TUSC3: variants seen among roughly 807,000 people sequenced by gnomAD.
The protein encoded by TUSC3 is tumor suppressor candidate 3.
In TUSC3, 45 loss-of-function variants were observed where a neutral mutation model predicts 44.8. That is an observed-to-expected ratio of 1.00 (90% confidence interval 0.79 to 1.29). The LOEUF is 1.29. Ranked by LOEUF, TUSC3 falls within the 50% of genes most tolerant of loss-of-function variation. The pLI is 0.00. For synonymous variants in TUSC3, 212 were observed against 152.9 expected (o/e 1.39, Z -2.85); for missense variants, 519 against 437.9 (o/e 1.19, Z -1.65).
the TUSC3 span, among the ~76,000 whole-genome samples, chr8:15,851,957 C>T: frequency 1.3e-5 from 2 of 152,204 alleles, no homozygotes; most frequent in South Asian, 4.1e-4. Context: ...AAGGGGAAAT[C>T]CCTTTTGCTT....
the TUSC3 span, among the ~76,000 whole-genome samples, chr8:15,838,750 T>G: frequency 0.33 from 49,838 of 151,942 alleles, 9,506 homozygotes; most frequent in African/African-American, 0.52. Context: ...TGCTGTTTTG[T>G]TTACTGTAGC....
rs1358169360 is a variant in TUSC3, at chr8:15,512,885, T to TATATAC, written n.189+29403_189+29404insTATACA. 1.9e-3 allele frequency among the ~76,000 whole-genome samples: 271 copies of TATATAC among 142,832 alleles called. 5 individuals are homozygous for TATATAC. Among genetic ancestry groups the TATATAC allele is most frequent in the African/African-American group, 6.8e-3 (257 of 37,968 alleles). 93.7% of individuals were successfully genotyped at this position (142,832 alleles called of 152,430 possible). On this transcript the variant is annotated intron_variant and non_coding_transcript_variant, in intron 2 of 5. Transcript: ENST00000503191. ...ATATATGTGTGTGTATATATATATATACACACAATTCTCTCGGTGTATATA... is the reference window on the plus strand; with the variant it reads ...ATATATGTGTGTGTATATATATATATATATACACACACAATTCTCTCGGTGTATATA...
chr8:15,802,004 G>A, the TUSC3 span, among the ~76,000 whole-genome samples: 9 of 152,278 alleles, frequency 5.9e-5, no homozygotes, highest in African/African-American at 1.9e-4. Context: ...CTGACCAGCT[G>A]TTCTTCGAGA....
chr8:15,679,013 G>C (rs148045373), intron 6 of TUSC3, among the ~76,000 whole-genome samples: 2 of 152,114 alleles, frequency 1.3e-5, no homozygotes, highest in African/African-American at 4.8e-5. Context: ...CCGTGGATGA[G>C]CACCTAGGTT....
At chr8:15,429,790 A>G (rs1799850220) in intron 1 of TUSC3, among the ~76,000 whole-genome samples, 1 of 151,758 alleles carries the variant, frequency 6.6e-6, no homozygotes, top group African/African-American at 2.4e-5. Flanking sequence ...AAAAAATGAC[A>G]AAGGGGATAT....
chr8:15,460,962 G>A (rs1425258436), intron 1 of TUSC3, among the ~76,000 whole-genome samples: 3 of 152,184 alleles, frequency 2.0e-5, no homozygotes, highest in Admixed American at 2.0e-4. Flanking sequence ...CAGGTAGTGT[G>A]ATGCCTCCAG....
chr8:15,685,455 A>C lies in TUSC3; in HGVS notation c.798+11619A>C, dbSNP rs1420439390. On this transcript the variant is annotated intron_variant, in intron 6 of 10. Coordinates refer to ENST00000503731, the MANE Select transcript of TUSC3 (RefSeq NM_006765.4). ...GATATTTTGGTTCCTCTTGGTGGAC[A>C]GTTCCCGGCTGTTTCTAGACATCTT... Among the ~76,000 whole-genome samples, 8 of 152,264 alleles carry C rather than the reference A, an allele frequency of 5.3e-5. No individual in the cohort carries two copies. In the East Asian group the frequency reaches 1.4e-3, roughly 26 times the overall value.
chr8:15,650,929 G>C, intron 3 of TUSC3, 115 bp downstream of exon 3: 2 of 1,054,128 alleles, frequency 1.9e-6, no homozygotes, highest in African/African-American at 3.1e-5. Flanking sequence ...GGCGGAGGTT[G>C]CAGTGAGCCG....
chr8:15,748,946 TATCTC>T (rs1290878610), intron 9 of TUSC3: 1 of 355,236 alleles, frequency 2.8e-6, no homozygotes, highest in African/African-American at 2.1e-5. Context: ...TCATAACGAG[TATCTC>T]ATAAGATTTT....
intron 5 of TUSC3, among the ~76,000 whole-genome samples, chr8:15,670,221 A>G (rs892316699): frequency 6.6e-6 from 1 of 151,916 alleles, no homozygotes; most frequent in Admixed American, 6.6e-5. Context: ...GTGGAAATTG[A>G]CAATGAGATT....
At chr8:15,730,353 G>A (rs1185295396) in intron 6 of TUSC3, among the ~76,000 whole-genome samples, 3 of 152,096 alleles carry the variant, frequency 2.0e-5, no homozygotes, top group East Asian at 1.9e-4. Flanking sequence ...GCTATATTTT[G>A]TACTTTTGCA....
In TUSC3 at chr8:15,736,279, A is replaced by T. The variant is rs534189654; in HGVS notation, c.862+5550A>T. Reference sequence around the variant, plus strand: ...ATTCTTCATTTACAATTATGTTCTTAAAAAGTTTTCAAATGTCCAAAATTC... The same window carrying T: ...ATTCTTCATTTACAATTATGTTCTTTAAAAGTTTTCAAATGTCCAAAATTC... On this transcript the variant is annotated intron_variant, in intron 7 of 10. Transcript: ENST00000503731. 1.4e-3 allele frequency among the ~76,000 whole-genome samples: 208 copies of T among 152,328 alleles called. 1 individual carries two copies. Among genetic ancestry groups the T allele is most frequent in the Middle Eastern group, 6.8e-3 (2 of 294 alleles).
chr8:15,622,740 G>C (rs889830520), intron 1 of TUSC3, among the ~76,000 whole-genome samples: 13 of 152,080 alleles, frequency 8.5e-5, no homozygotes, highest in Middle Eastern at 3.2e-3. Context: ...GAGTAGAGCA[G>C]TTATTATTTT....
At chr8:15,573,737 T>C (rs1465592710) in intron 1 of TUSC3, among the ~76,000 whole-genome samples, 1 of 152,148 alleles carries the variant, frequency 6.6e-6, no homozygotes, top group Non-Finnish European at 1.5e-5. Flanking sequence ...AAAACAAATC[T>C]GTCTTCTGCC....
chr8:15,797,888 G>A, the TUSC3 span, among the ~76,000 whole-genome samples: 5 of 152,162 alleles, frequency 3.3e-5, no homozygotes, highest in African/African-American at 1.2e-4. Context: ...TGACTCCTGT[G>A]AAAATCCAGT....
intron 2 of TUSC3, among the ~76,000 whole-genome samples, chr8:15,484,573 G>A (rs1003398824): frequency 6.6e-6 from 1 of 152,222 alleles, no homozygotes; most frequent in Non-Finnish European, 1.5e-5. Flanking sequence ...TCATTCCGGT[G>A]TAGGGCATAG....
At chr8:15,463,154 A>T (rs1350135194) in intron 1 of TUSC3, among the ~76,000 whole-genome samples, 2 of 152,038 alleles carry the variant, frequency 1.3e-5, no homozygotes, top group Admixed American at 6.6e-5. Context: ...TTTGATCCGT[A>T]AAAACATAAG....
rs534841314 is a variant in TUSC3, at chr8:15,516,069, G to T, written n.189+32586G>T. On this transcript the variant is annotated intron_variant and non_coding_transcript_variant, in intron 2 of 5. Coordinates refer to the TUSC3 transcript ENST00000503191. ...CCTCAACAAGTTTTAGAGGACTTCAGAAGAATGTATAAAGCAGTAAGATTA... is the reference window on the plus strand; with the variant it reads ...CCTCAACAAGTTTTAGAGGACTTCATAAGAATGTATAAAGCAGTAAGATTA... Among the ~76,000 whole-genome samples, 10 of 152,256 alleles carry T rather than the reference G, an allele frequency of 6.6e-5. No individual in the cohort carries two copies. In the East Asian group the frequency reaches 1.9e-3, roughly 29 times the overall value.
chr8:15,478,123 A>C (rs2129123977), intron 1 of TUSC3, among the ~76,000 whole-genome samples: 1 of 151,852 alleles, frequency 6.6e-6, no homozygotes, highest in South Asian at 2.1e-4. Context: ...TGCCCAGCTA[A>C]CTTTTGTATT....
Sources: allele counts gnomAD v4.1 joint callset (sites outside exome capture counted in the v4.1 genomes callset), GRCh38; gene constraint gnomAD v4.1.1; transcripts MANE v1.5; gene names NCBI Gene and HGNC (gene_info 2026-07-23, HGNC 2026-07-21).